Variants in NTNG1 observed in about 807,000 individuals in gnomAD.
NTNG1 encodes netrin-G1.
A neutral mutation model predicts 54.0 loss-of-function variants in NTNG1; 16 were observed. The ratio of observed to expected loss-of-function variants is 0.30; its 90% CI spans 0.20 to 0.45. NTNG1 has a LOEUF of 0.45. Among genes scored for constraint, NTNG1 ranks in the 20% least tolerant of loss-of-function variants. The probability of loss-of-function intolerance (pLI) is 1.00; values close to 1 mark genes in which losing one functional copy is unlikely to be tolerated. For synonymous variants in NTNG1, 255 were observed against 263.1 expected (o/e 0.97, Z 0.30); for missense variants, 530 against 678.7 (o/e 0.78, Z 2.43).
intron 1 of NTNG1, among the ~76,000 whole-genome samples, chr1:107,141,631 C>T (rs904425072): frequency 1.3e-5 from 2 of 152,150 alleles, no homozygotes; most frequent in Non-Finnish European, 2.9e-5. Context: ...GAGGAGGCAG[C>T]GCGCGGAGCC....
chr1:107,396,810 A>C (rs540850686), intron 4 of NTNG1, among the ~76,000 whole-genome samples: 8 of 152,262 alleles, frequency 5.3e-5, no homozygotes, highest in Non-Finnish European at 8.8e-5. Context: ...GATGTTCACA[A>C]ACACTTCCTG....
At chr1:107,235,175 G>A (rs189524852) in intron 2 of NTNG1, among the ~76,000 whole-genome samples, 39 of 152,252 alleles carry the variant, frequency 2.6e-4, no homozygotes, top group Non-Finnish European at 5.6e-4. Context: ...CAAAGGGCAT[G>A]CTCTAGGACT....
chr1:107,453,774 G>T (rs1676765416), intron 7 of NTNG1, among the ~76,000 whole-genome samples: 1 of 152,140 alleles, frequency 6.6e-6, no homozygotes, highest in South Asian at 2.1e-4. Flanking sequence ...AACACACTTT[G>T]TGCCATCAGT....
intron 3 of NTNG1, among the ~76,000 whole-genome samples, chr1:107,384,458 A>G (rs1349950627): frequency 6.6e-6 from 1 of 152,194 alleles, no homozygotes; most frequent in Non-Finnish European, 1.5e-5. Flanking sequence ...TATATATATG[A>G]CCACAGCATC....
chr1:107,433,457 A>C lies in NTNG1; in HGVS notation c.1255+2540A>C, dbSNP rs149334798. ...GCTACTCAGAAGGCTGAGGCAGGAG[A>C]ATCAGTTGAACTCGAGAGGTAGAGG... On this transcript the variant is annotated intron_variant, in intron 6 of 7. Transcript: ENST00000370068. Among the ~76,000 whole-genome samples the C allele has an allele frequency of 9.9e-3, 1,501 of 152,272 alleles. 17 individuals are homozygous for C. Among genetic ancestry groups the C allele is most frequent in the Non-Finnish European group, 0.013 (914 of 68,008 alleles).
At chr1:107,406,233 A>G (rs1673409156) in intron 4 of NTNG1, among the ~76,000 whole-genome samples, 1 of 152,176 alleles carries the variant, frequency 6.6e-6, no homozygotes, top group South Asian at 2.1e-4. Context: ...ACAAAGCTAG[A>G]AATCTCCGAG....
At chr1:107,421,425 A>G (rs1459946518) in intron 5 of NTNG1, among the ~76,000 whole-genome samples, 1 of 152,110 alleles carries the variant, frequency 6.6e-6, no homozygotes, top group Non-Finnish European at 1.5e-5. Context: ...TAGAACACGA[A>G]TGTTAGAGCA....
At chr1:107,465,653 GA>G (rs1324284472) in intron 7 of NTNG1, among the ~76,000 whole-genome samples, 1 of 152,138 alleles carries the variant, frequency 6.6e-6, no homozygotes, top group Non-Finnish European at 1.5e-5. Flanking sequence ...AGAGTTTAGG[GA>G]AGGACATATC....
intron 4 of NTNG1, among the ~76,000 whole-genome samples, chr1:107,397,633 A>G (rs1231346443): frequency 1.3e-5 from 2 of 152,190 alleles, no homozygotes; most frequent in East Asian, 3.9e-4. Flanking sequence ...CTGTCACAAA[A>G]TAAGCATTCA....
chr1:107,353,382 C>T (rs1669745623), intron 3 of NTNG1, among the ~76,000 whole-genome samples: 1 of 152,178 alleles, frequency 6.6e-6, no homozygotes, highest in South Asian at 2.1e-4. Flanking sequence ...TTCCACAGAT[C>T]CCTAGGGCAG....
intron 5 of NTNG1, among the ~76,000 whole-genome samples, chr1:107,424,432 A>G (rs2101269930): frequency 6.6e-6 from 1 of 152,260 alleles, no homozygotes; most frequent in Middle Eastern, 3.4e-3. Context: ...ATGTGAAGCC[A>G]TTAGAATGAT....
At chr1:107,366,793 T>A (rs1245680492) in intron 3 of NTNG1, among the ~76,000 whole-genome samples, 1 of 152,226 alleles carries the variant, frequency 6.6e-6, no homozygotes, top group Non-Finnish European at 1.5e-5. Flanking sequence ...TAAGAAATTA[T>A]ATGAAATACT....
At position 107,222,564 on chromosome 1, in the gene NTNG1, A is replaced by G. The variant is rs1324604188; in HGVS notation, c.246+73725A>G. ...TAAAATTTTGCTGCTAGTAGTCACA[A>G]TTGGACCCCTTGGAGTGCTCCACAG... On this transcript the variant is annotated intron_variant, in intron 2 of 7. Coordinates refer to ENST00000370068, the MANE Select transcript of NTNG1 (RefSeq NM_001113226.3). 2.6e-5 allele frequency among the ~76,000 whole-genome samples: 4 copies of G among 152,172 alleles called. No individual in the cohort carries two copies. In the East Asian group the frequency reaches 5.8e-4, roughly 22 times the overall value.
chr1:107,400,779 G>T (rs1338646425), intron 4 of NTNG1, among the ~76,000 whole-genome samples: 1 of 151,878 alleles, frequency 6.6e-6, no homozygotes, highest in Non-Finnish European at 1.5e-5. Context: ...CTCCCAAGTA[G>T]CTGGGATTAC....
intron 2 of NTNG1, among the ~76,000 whole-genome samples, chr1:107,309,136 A>G (rs1236699372): frequency 1.3e-5 from 2 of 152,016 alleles, no homozygotes; most frequent in African/African-American, 2.4e-5. Flanking sequence ...CCTACCTCCA[A>G]TCTATCCTCC....
At chr1:107,359,886 C>A (rs1029148517) in intron 3 of NTNG1, among the ~76,000 whole-genome samples, 10 of 152,144 alleles carry the variant, frequency 6.6e-5, no homozygotes, top group African/African-American at 2.4e-4. Flanking sequence ...CCAAAACTAT[C>A]ACGAGATAGT....
intron 2 of NTNG1, among the ~76,000 whole-genome samples, chr1:107,269,501 C>T (rs1246870351): frequency 1.2e-4 from 19 of 152,202 alleles, no homozygotes; most frequent in Admixed American, 1.2e-3. Flanking sequence ...CTATTATTAT[C>T]CACATGAAGG....
chr1:107,254,427 A>C (rs76670071), intron 2 of NTNG1, among the ~76,000 whole-genome samples: 2,313 of 152,334 alleles, frequency 0.015, 29 homozygotes, highest in Non-Finnish European at 0.024. Flanking sequence ...CTCACTTCCC[A>C]GTAGCAGCCG....
chr1:107,189,854 G>C (rs185889997), intron 2 of NTNG1, among the ~76,000 whole-genome samples: 1 of 151,670 alleles, frequency 6.6e-6, no homozygotes, highest in Non-Finnish European at 1.5e-5. Flanking sequence ...TACTGGATCA[G>C]GTATTTGTGT....
Sources: gnomAD v4.1 joint callset for allele counts (sites outside exome capture counted in the v4.1 genomes callset) on GRCh38, gnomAD v4.1.1 for gene constraint, MANE v1.5 for transcripts, NCBI Gene and HGNC (gene_info 2026-07-23, HGNC 2026-07-21) for gene names.